The following FANCM variants were observed in gnomAD, a reference collection of about 807,000 sequenced individuals.
The protein encoded by FANCM is Fanconi anemia group M protein.
Under a neutral mutation model 199.5 loss-of-function variants are expected in FANCM, and 140 were observed. The ratio of observed to expected loss-of-function variants is 0.70; its 90% CI spans 0.61 to 0.81. The LOEUF is 0.81. Among genes scored for constraint, FANCM ranks in the 30% least tolerant of loss-of-function variants. The pLI, the probability that FANCM is intolerant of heterozygous loss-of-function variation, is 0.00. For missense variants in FANCM, 2,410 were observed against 2,421.4 expected (o/e 1.00, Z 0.10); for synonymous variants, 840 against 836.8 (o/e 1.00, Z -0.07).
At chr14:45,188,193 G>A (rs1307661551) in intron 19 of FANCM, among the ~76,000 whole-genome samples, 1 of 152,114 alleles carries the variant, frequency 6.6e-6, no homozygotes, top group Non-Finnish European at 1.5e-5. Context: ...ACAAAAATTA[G>A]CCAGGCATGG....
At position 45,175,213 on chromosome 14, in the gene FANCM, A is replaced by G. The variant is rs1319969470; in HGVS notation, c.2459A>G (p.Asn820Ser). The change falls in exon 14 of 23, where the codon AAC becomes AGC. Residue 820 changes from asparagine (N) to serine (S), a missense_variant. Coordinates refer to ENST00000267430, the MANE Select transcript of FANCM (RefSeq NM_020937.4). ...ITHKKSSFIK[N>S]INQGSSSSVI... ...CACAAGAAATCGTCATTTATAAAGA[A>G]CATAAATCAAGGCAGTTCATCCTCA... The G allele has an allele frequency of 6.2e-7, 1 of 1,612,022 alleles. No homozygotes were observed. Among genetic ancestry groups the G allele is most frequent in the Non-Finnish European group, 8.5e-7 (1 of 1,178,768 alleles).
Position 45,185,285 on chromosome 14 carries a change from A to C in FANCM, c.4584A>C (p.Ser1528=). 6.2e-7 allele frequency: 1 copy of C among 1,601,462 alleles called. No homozygotes were observed. Among genetic ancestry groups the C allele is most frequent in the Non-Finnish European group, 8.5e-7 (1 of 1,169,960 alleles). Residue 1528 remains serine, a synonymous_variant, in exon 18 of 23, where the codon TCA becomes TCC. Coordinates refer to ENST00000267430, the MANE Select transcript of FANCM (RefSeq NM_020937.4). ...AAGAAGATGCAGAATATGTTTCATCAGATGAAAATGATGAGTCAGAAAATG... is the reference window on the plus strand; with the variant it reads ...AAGAAGATGCAGAATATGTTTCATCCGATGAAAATGATGAGTCAGAAAATG... ...LSEEDAEYVS[S]DENDESENEQ...
intron 19 of FANCM, 124 bp downstream of exon 19, chr14:45,188,011 C>G: frequency 1.5e-6 from 1 of 671,476 alleles, no homozygotes; most frequent in South Asian, 1.6e-5. Flanking sequence ...TCATTTCTGC[C>G]CAAAGTCAGG....
intron 3 of FANCM, 76 bp from the exon 4 acceptor site, chr14:45,148,761 T>A (rs372427399): frequency 1.9e-4 from 183 of 961,978 alleles, no homozygotes; most frequent in African/African-American, 1.9e-3. Flanking sequence ...TTTACTGCTA[T>A]TTTATTTCTG....
At chr14:45,184,377 G>A (rs1889254364) in intron 17 of FANCM, among the ~76,000 whole-genome samples, 2 of 152,062 alleles carry the variant, frequency 1.3e-5, no homozygotes, top group African/African-American at 2.4e-5. Context: ...GAAACATCAA[G>A]CAGGCTGGGC....
intron 22 of FANCM, among the ~76,000 whole-genome samples, chr14:45,199,221 T>C (rs1890232771): frequency 6.6e-6 from 1 of 152,330 alleles, no homozygotes. Context: ...CAATCTAACA[T>C]TTCTGGGCTG....
intron 8 of FANCM, among the ~76,000 whole-genome samples, chr14:45,155,901 T>C (rs1887154386): frequency 6.6e-6 from 1 of 152,156 alleles, no homozygotes; most frequent in African/African-American, 2.4e-5. Flanking sequence ...CTCTGGATAA[T>C]GAATACTAAA....
At chr14:45,186,933 A>G (rs368240656) in intron 18 of FANCM, among the ~76,000 whole-genome samples, 2 of 152,150 alleles carry the variant, frequency 1.3e-5, no homozygotes, top group South Asian at 2.1e-4. Context: ...CAGTTAGGAG[A>G]CTGTTGAGGT....
At chr14:45,140,761 C>A in intron 3 of FANCM, 52 bp downstream of exon 3, 1 of 1,154,160 alleles carries the variant, frequency 8.7e-7, no homozygotes, top group Non-Finnish European at 1.3e-6. Context: ...AAGCTTTTGG[C>A]CAGGTGCAGT....
At position 45,164,342 on chromosome 14, in the gene FANCM, A is replaced by C. The variant is rs759742904; in HGVS notation, c.1582-17A>C. 1 of 1,592,336 alleles carries C rather than the reference A, an allele frequency of 6.3e-7. No homozygotes were observed. On this transcript the variant is annotated splice_polypyrimidine_tract_variant and intron_variant, in intron 9 of 22. Transcript: ENST00000267430. Reference sequence around the variant, plus strand: ...TTACATTTGCATGTAGTTATTTTTCAATTGTTTTTATTTTAGGTAGTGAAA... The same window carrying C: ...TTACATTTGCATGTAGTTATTTTTCCATTGTTTTTATTTTAGGTAGTGAAA...
At chr14:45,197,161 T>TGAGATATG (rs1266594916) in intron 21 of FANCM, among the ~76,000 whole-genome samples, 1 of 152,020 alleles carries the variant, frequency 6.6e-6, no homozygotes, top group Non-Finnish European at 1.5e-5. Context: ...AAAAAGATCA[T>TGAGATATG]GAGATATGGA....
chr14:45,186,437 A>C (rs1255292345), intron 18 of FANCM, among the ~76,000 whole-genome samples: 1 of 152,224 alleles, frequency 6.6e-6, no homozygotes, highest in Non-Finnish European at 1.5e-5. Context: ...GCTGTAACAG[A>C]AGTGAGAAAT....
In FANCM at chr14:45,154,737, C is replaced by G. The variant is rs1887060648; in HGVS notation, c.1224C>G (p.Asp408Glu). The stretch of plus-strand genomic sequence containing the variant: ...AAAATGAACTTGGCCGAAATGAAGA[C>G]TTCATGAAACTCTATAATCATCTAG... Reference protein sequence around the residue: ...RSKNELGRNEDFMKLYNHLEC... With the variant: ...RSKNELGRNEEFMKLYNHLEC... Residue 408 changes from aspartate (D) to glutamate (E), a missense_variant, in exon 7 of 23, where the codon GAC (aspartate) becomes GAG (glutamate). Physicochemically the swap from Asp to Glu is conservative, Grantham distance 45. Transcript: ENST00000267430. The G allele has an allele frequency of 1.2e-6, 2 of 1,603,344 alleles. No individual in the cohort carries two copies. The highest frequency in any genetic ancestry group is 1.7e-6 in the Non-Finnish European group (2 of 1,172,430).
chr14:45,148,200 AACACACACACAC>A (rs200351777), intron 3 of FANCM, among the ~76,000 whole-genome samples: 2 of 142,436 alleles, frequency 1.4e-5, no homozygotes, highest in African/African-American at 2.6e-5. Context: ...CCGTCTCAAA[AACACACACACAC>A]ACACACACAC....
intron 10 of FANCM, among the ~76,000 whole-genome samples, chr14:45,164,774 CA>C (rs1357642413): frequency 6.6e-6 from 1 of 152,176 alleles, no homozygotes; most frequent in Non-Finnish European, 1.5e-5. Flanking sequence ...TAAAGAAACA[CA>C]TTTTTAATAC....
chr14:45,198,568 A>C, intron 21 of FANCM, 76 bp from the exon 22 acceptor site: 7 of 904,450 alleles, frequency 7.7e-6, no homozygotes, highest in Admixed American at 2.9e-5. Context: ...TGGGATTTTA[A>C]TAAAATAAAG....
chr14:45,136,425 T>A lies in FANCM; in HGVS notation c.394T>A (p.Phe132Ile). The part of the protein sequence containing the change: ...AVVMYNFYRW[F>I]PSGKVVFMAP... ...GGTCATGTACAATTTCTACCGCTGG[T>A]TCCCTTCAGGAAAGGTGGTCTTCAT... Residue 132 changes from phenylalanine (F) to isoleucine (I), a missense_variant, in exon 1 of 23, where the codon TTC (phenylalanine) becomes ATC (isoleucine). By Grantham distance (21) the Phe-to-Ile change is conservative (BLOSUM62 0). Transcript: ENST00000267430. The A allele has an allele frequency of 6.2e-7, 1 of 1,614,160 alleles. No individual in the cohort carries two copies.
At position 45,170,710 on chromosome 14, in the gene FANCM, T is replaced by A. The variant is rs1443405171; in HGVS notation, c.2124T>A (p.Val708=). The A allele has an allele frequency of 3.7e-6, 6 of 1,611,776 alleles. No individual in the cohort carries two copies. The highest frequency in any genetic ancestry group is 8.5e-7 in the Non-Finnish European group (1 of 1,178,148). The change falls in exon 12 of 23, where the codon GTT becomes GTA. Residue 708 remains valine, a synonymous_variant. Coordinates refer to ENST00000267430, the MANE Select transcript of FANCM (RefSeq NM_020937.4). ...DEIKEITLPQ[V]QFSSLQNEEN... is the part of the protein sequence containing the mutation. ...TTAAAGAGATAACATTGCCTCAAGT[T>A]CAGTTTTCTTCTTTACAAAATGAGG...
Position 45,136,020 on chromosome 14 carries a change from G to T in FANCM, c.-12G>T. 6.2e-7 allele frequency: 1 copy of T among 1,613,018 alleles called. No homozygotes were observed. Among genetic ancestry groups the T allele is most frequent in the Non-Finnish European group, 8.5e-7 (1 of 1,180,006 alleles). On this transcript the variant is annotated 5_prime_UTR_variant, in exon 1 of 23. Coordinates refer to ENST00000267430, the MANE Select transcript of FANCM (RefSeq NM_020937.4). ...GGATATCTGACAGAAGCCTTCGGTG[G>T]TTGTCGGCCTAATGAGCGGACGGCA...
Sources: allele counts gnomAD v4.1 joint callset (sites outside exome capture counted in the v4.1 genomes callset), GRCh38; gene constraint gnomAD v4.1.1; transcripts MANE v1.5; gene names NCBI Gene and HGNC (gene_info 2026-07-23, HGNC 2026-07-21).